ATF7IP2: variants seen among roughly 807,000 people sequenced by gnomAD.
The protein encoded by ATF7IP2 is activating transcription factor 7-interacting protein 2.
Under a neutral mutation model 64.2 loss-of-function variants are expected in ATF7IP2, and 42 were observed. The ratio of observed to expected loss-of-function variants is 0.65; its 90% CI spans 0.51 to 0.85. The LOEUF (loss-of-function observed/expected upper bound fraction) is 0.85, where lower values mean the gene tolerates loss of function less well. ATF7IP2 is among the 40% of genes least tolerant of loss of function. The pLI, the probability that ATF7IP2 is intolerant of heterozygous loss-of-function variation, is 0.00. For missense variants in ATF7IP2, 933 were observed against 784.2 expected, an observed-to-expected ratio of 1.19 and a Z score of -2.27; for synonymous variants, 308 against 272.8, an observed-to-expected ratio of 1.13 and a Z score of -1.27.
At chr16:10,433,707 G>A in intron 6 of ATF7IP2, 58 bp downstream of exon 6, 1 of 1,576,436 alleles carries the variant, frequency 6.3e-7, no homozygotes. Context: ...CATGGTAAAA[G>A]TTAATTATCT....
intron 3 of ATF7IP2, among the ~76,000 whole-genome samples, chr16:10,425,618 G>T (rs1441882097): frequency 6.6e-6 from 1 of 152,124 alleles, no homozygotes; most frequent in Non-Finnish European, 1.5e-5. Context: ...AGTAGGCCGG[G>T]TGTGGTGGCT....
In ATF7IP2 at chr16:10,431,414, C is replaced by T; in HGVS notation, c.794C>T (p.Ala265Val). 2 of 1,609,834 alleles carry T rather than the reference C, an allele frequency of 1.2e-6. No homozygotes were observed. Among genetic ancestry groups the T allele is most frequent in the Non-Finnish European group, 8.5e-7 (1 of 1,176,738 alleles). ...ACCAGTATTTCAAATTGTGAAAGTG[C>T]AGACTCAACATGGCAGTCATCACTT... ...SRTSISNCES[A>V]DSTWQSSLDT... The change falls in exon 5 of 14, where the codon GCA (alanine) becomes GTA (valine). Residue 265 changes from alanine to valine, a missense_variant. By Grantham distance (64) the Ala-to-Val change is moderately conservative. Transcript: ENST00000562102.
At chr16:10,451,399 C>A (rs191325333) in intron 8 of ATF7IP2, among the ~76,000 whole-genome samples, 3 of 152,114 alleles carry the variant, frequency 2.0e-5, no homozygotes, top group African/African-American at 7.2e-5. Context: ...GGATAATATC[C>A]TGAAGAGTGT....
chr16:10,448,756 A>G (rs1488640024), intron 8 of ATF7IP2: 3 of 152,210 alleles, frequency 2.0e-5, no homozygotes, highest in African/African-American at 7.2e-5. Context: ...ATCTGCAAAC[A>G]GAGACAATTT....
intron 1 of ATF7IP2, among the ~76,000 whole-genome samples, chr16:10,397,030 A>C (rs2047433396): frequency 6.6e-6 from 1 of 152,166 alleles, no homozygotes; most frequent in Non-Finnish European, 1.5e-5. Context: ...GATACTGCCT[A>C]GTTTCTTCTG....
At chr16:10,400,772 C>G (rs1432770360) in intron 1 of ATF7IP2, among the ~76,000 whole-genome samples, 1 of 152,172 alleles carries the variant, frequency 6.6e-6, no homozygotes, top group African/African-American at 2.4e-5. Flanking sequence ...ACCTCCATCT[C>G]TTGGGTTCAA....
At chr16:10,459,192 G>A (rs926403517) in intron 9 of ATF7IP2, among the ~76,000 whole-genome samples, 7 of 152,078 alleles carry the variant, frequency 4.6e-5, no homozygotes, top group African/African-American at 1.7e-4. Flanking sequence ...AATTAGGCCC[G>A]GTGCGGTGGC....
chr16:10,410,021 A>G (rs536192465), intron 1 of ATF7IP2, among the ~76,000 whole-genome samples: 3 of 152,044 alleles, frequency 2.0e-5, no homozygotes, highest in South Asian at 4.2e-4. Context: ...GCCTCCAGAT[A>G]TGTTCTTTTT....
chr16:10,466,354 G>C (rs1408308745), intron 9 of ATF7IP2, among the ~76,000 whole-genome samples: 1 of 152,144 alleles, frequency 6.6e-6, no homozygotes, highest in African/African-American at 2.4e-5. Context: ...ATGTCTTTTG[G>C]TGAATGTACA....
At chr16:10,434,960 A>G (rs975679761) in intron 6 of ATF7IP2, among the ~76,000 whole-genome samples, 5 of 152,170 alleles carry the variant, frequency 3.3e-5, no homozygotes, top group South Asian at 4.1e-4. Flanking sequence ...TAGTAGAGAC[A>G]GATTTTACCA....
intron 5 of ATF7IP2, 108 bp downstream of exon 5, chr16:10,431,563 T>C (rs2048256868): frequency 1.4e-6 from 1 of 697,742 alleles, no homozygotes; most frequent in Non-Finnish European, 2.3e-6. Context: ...AAAAGGTAAA[T>C]GATGACAATT....
chr16:10,410,515 T>C (rs1279098655), intron 1 of ATF7IP2, among the ~76,000 whole-genome samples: 1 of 152,196 alleles, frequency 6.6e-6, no homozygotes, highest in Non-Finnish European at 1.5e-5. Flanking sequence ...TTTGTTAGTT[T>C]GGGAGCTTTT....
intron 1 of ATF7IP2, among the ~76,000 whole-genome samples, chr16:10,391,557 C>T (rs778265421): frequency 9.9e-5 from 15 of 152,072 alleles, no homozygotes; most frequent in Non-Finnish European, 1.6e-4. Flanking sequence ...AATCTTGGTA[C>T]ATGTTTAATA....
chr16:10,458,149 T>A (rs375164306), intron 9 of ATF7IP2, among the ~76,000 whole-genome samples: 2 of 152,230 alleles, frequency 1.3e-5, no homozygotes, highest in East Asian at 3.8e-4. Context: ...GGAGAAGCAT[T>A]ACAGATCTAA....
chr16:10,434,790 G>A (rs887604903), intron 6 of ATF7IP2, among the ~76,000 whole-genome samples: 3 of 151,660 alleles, frequency 2.0e-5, no homozygotes. Flanking sequence ...GAAGTGAGAA[G>A]TAAGTTTTTG....
intron 1 of ATF7IP2, among the ~76,000 whole-genome samples, chr16:10,400,394 T>A (rs1214776249): frequency 6.6e-6 from 1 of 152,206 alleles, no homozygotes; most frequent in Non-Finnish European, 1.5e-5. Context: ...TTAAGAGTTT[T>A]TTGGAAGAGT....
chr16:10,395,660 A>G (rs1405337169), intron 1 of ATF7IP2, among the ~76,000 whole-genome samples: 1 of 152,254 alleles, frequency 6.6e-6, no homozygotes, highest in African/African-American at 2.4e-5. Context: ...GTTAAGTGCC[A>G]TATCAAAGAG....
At chr16:10,429,373 C>T (rs1415231339) in intron 4 of ATF7IP2, among the ~76,000 whole-genome samples, 2 of 152,194 alleles carry the variant, frequency 1.3e-5, no homozygotes, top group Non-Finnish European at 2.9e-5. Context: ...TGTTTTAAGA[C>T]AGAGTCTCGC....
intron 5 of ATF7IP2, among the ~76,000 whole-genome samples, chr16:10,432,871 T>TC (rs1225194349): frequency 6.8e-6 from 1 of 146,602 alleles, no homozygotes; most frequent in Non-Finnish European, 1.5e-5. Flanking sequence ...AGAGTGAGAC[T>TC]CCTTCTCAAA....
Sources: allele counts gnomAD v4.1 joint callset (sites outside exome capture counted in the v4.1 genomes callset), GRCh38; gene constraint gnomAD v4.1.1; transcripts MANE v1.5; gene names NCBI Gene and HGNC (gene_info 2026-07-23, HGNC 2026-07-21).